CCDC102B: variants seen among roughly 807,000 people sequenced by gnomAD.
The protein encoded by CCDC102B is coiled-coil domain-containing protein 102B.
In CCDC102B, 75 loss-of-function variants were observed where a neutral mutation model predicts 57.4. The ratio of observed to expected loss-of-function variants is 1.31; its 90% CI spans 1.08 to 1.58. The LOEUF is 1.58. Ranked by LOEUF, CCDC102B falls within the 40% of genes most tolerant of loss-of-function variation. The probability of loss-of-function intolerance (pLI) is 0.00; values close to 1 mark genes in which losing one functional copy is unlikely to be tolerated. For missense variants in CCDC102B, 636 were observed against 582.6 expected (o/e 1.09, Z -0.94); for synonymous variants, 206 against 201.9 (o/e 1.02, Z -0.17).
intron 6 of CCDC102B, among the ~76,000 whole-genome samples, chr18:68,914,977 G>C (rs1015347203): frequency 5.0e-5 from 7 of 140,864 alleles, no homozygotes; most frequent in Non-Finnish European, 7.7e-5. Flanking sequence ...ACTGGGGGGA[G>C]AGAGAGAGAG....
chr18:68,957,557 GTT>G (rs33933822), intron 6 of CCDC102B, among the ~76,000 whole-genome samples: 2 of 131,730 alleles, frequency 1.5e-5, no homozygotes, highest in African/African-American at 5.8e-5. Context: ...GATTCTTCCA[GTT>G]TTTTTTTTTT....
At chr18:68,840,599 A>G (rs1487455953) in intron 3 of CCDC102B, among the ~76,000 whole-genome samples, 1 of 152,202 alleles carries the variant, frequency 6.6e-6, no homozygotes, top group African/African-American at 2.4e-5. Context: ...TCGTACACAT[A>G]GTGACAATTT....
chr18:68,747,183 A>C (rs1024203020), intron 2 of CCDC102B, among the ~76,000 whole-genome samples: 1 of 152,044 alleles, frequency 6.6e-6, no homozygotes, highest in African/African-American at 2.4e-5. Flanking sequence ...CATTCCTTCT[A>C]TCTAATTGTA....
At chr18:68,971,684 A>G (rs1423305356) in intron 6 of CCDC102B, among the ~76,000 whole-genome samples, 4 of 152,164 alleles carry the variant, frequency 2.6e-5, no homozygotes, top group Admixed American at 6.6e-5. Context: ...AAAAGAACAA[A>G]CGATGTGCTT....
intron 1 of CCDC102B, among the ~76,000 whole-genome samples, chr18:68,799,702 G>A (rs2035775762): frequency 6.6e-6 from 1 of 152,184 alleles, no homozygotes; most frequent in East Asian, 1.9e-4. Flanking sequence ...GTGGAACTTG[G>A]ATAGGTGCTG....
chr18:68,879,145 G>C (rs527817142), intron 5 of CCDC102B, among the ~76,000 whole-genome samples: 10 of 152,048 alleles, frequency 6.6e-5, no homozygotes, highest in African/African-American at 2.4e-4. Flanking sequence ...GGTTTCAGGA[G>C]TGAAGCTGCA....
At chr18:68,836,407 A>T (rs576405231) in intron 1 of CCDC102B, among the ~76,000 whole-genome samples, 287 of 152,192 alleles carry the variant, frequency 1.9e-3, no homozygotes, top group Non-Finnish European at 3.0e-3. Context: ...AGGCGGGTGG[A>T]TCACGAGGTC....
At chr18:68,880,778 A>G (rs1036327649) in intron 5 of CCDC102B, among the ~76,000 whole-genome samples, 2 of 152,256 alleles carry the variant, frequency 1.3e-5, no homozygotes, top group Non-Finnish European at 2.9e-5. Context: ...ATTTATGATT[A>G]GTAAAATATG....
At chr18:68,890,903 G>A (rs991378087) in intron 5 of CCDC102B, among the ~76,000 whole-genome samples, 1 of 152,036 alleles carries the variant, frequency 6.6e-6, no homozygotes, top group Non-Finnish European at 1.5e-5. Flanking sequence ...AATGAATAAA[G>A]CTGCTAATAT....
chr18:68,739,831 T>C (rs146450380), intron 2 of CCDC102B, among the ~76,000 whole-genome samples: 4 of 152,180 alleles, frequency 2.6e-5, no homozygotes, highest in African/African-American at 9.6e-5. Flanking sequence ...TCTGGAAATA[T>C]GAGATGGCCC....
intron 2 of CCDC102B, among the ~76,000 whole-genome samples, chr18:68,743,885 G>T (rs1488752015): frequency 6.6e-6 from 1 of 152,166 alleles, no homozygotes; most frequent in African/African-American, 2.4e-5. Flanking sequence ...CATTGTTTCT[G>T]TTTTTTAGTT....
chr18:68,880,335 C>G (rs943127832), intron 5 of CCDC102B, among the ~76,000 whole-genome samples: 2 of 152,304 alleles, frequency 1.3e-5, no homozygotes, highest in East Asian at 1.9e-4. Flanking sequence ...CCAGCTGGCC[C>G]GCAAGCACCG....
chr18:69,022,094 A>T (rs2051850373), intron 7 of CCDC102B, among the ~76,000 whole-genome samples: 1 of 151,926 alleles, frequency 6.6e-6, no homozygotes, highest in Non-Finnish European at 1.5e-5. Flanking sequence ...AAGATGTTTT[A>T]AGGACGGGTT....
At chr18:68,867,206 G>A (rs2039029376) in intron 4 of CCDC102B, among the ~76,000 whole-genome samples, 1 of 152,154 alleles carries the variant, frequency 6.6e-6, no homozygotes, top group Non-Finnish European at 1.5e-5. Context: ...GGGCCCAGAT[G>A]GTCTCGATTG....
Position 68,940,168 on chromosome 18 carries a change from C to A in CCDC102B, c.1263+42740C>A, listed in dbSNP as rs749410853. On this transcript the variant is annotated intron_variant, in intron 6 of 7. Coordinates refer to ENST00000360242, the MANE Select transcript of CCDC102B (RefSeq NM_024781.3). ...TTTCAAAATCAGTTAAATAAGAATT[C>A]TACTAAAATGAGTCATAATTCTTTC... is the stretch of plus-strand genomic sequence containing the variant. 1.5e-4 allele frequency among the ~76,000 whole-genome samples: 23 copies of A among 151,564 alleles called. 1 individual carries two copies. The highest frequency in any genetic ancestry group is 1.4e-3 in the Admixed American group (22 of 15,188).
At chr18:68,874,267 T>C (rs1205188590) in intron 4 of CCDC102B, among the ~76,000 whole-genome samples, 3 of 151,558 alleles carry the variant, frequency 2.0e-5, no homozygotes, top group East Asian at 1.9e-4. Flanking sequence ...ACAATTAATA[T>C]ACTATTAATG....
intron 4 of CCDC102B, among the ~76,000 whole-genome samples, chr18:68,850,376 C>T (rs1291807650): frequency 6.6e-6 from 1 of 151,878 alleles, no homozygotes; most frequent in Admixed American, 6.6e-5. Flanking sequence ...TTTTTTTCTC[C>T]CCGCCATGGA....
intron 6 of CCDC102B, among the ~76,000 whole-genome samples, chr18:68,923,409 A>C (rs2041357199): frequency 6.6e-6 from 1 of 151,958 alleles, no homozygotes; most frequent in Non-Finnish European, 1.5e-5. Context: ...GTATGACACC[A>C]ACATAATTAT....
intron 6 of CCDC102B, among the ~76,000 whole-genome samples, chr18:68,905,923 A>G (rs2145052014): frequency 6.7e-6 from 1 of 149,712 alleles, no homozygotes; most frequent in Non-Finnish European, 1.5e-5. Flanking sequence ...CCTCCCAGGT[A>G]GCTGGGACTA....
Sources: allele counts gnomAD v4.1 joint callset (sites outside exome capture counted in the v4.1 genomes callset), GRCh38; gene constraint gnomAD v4.1.1; transcripts MANE v1.5; gene names NCBI Gene and HGNC (gene_info 2026-07-23, HGNC 2026-07-21).